GGA3: variants seen among roughly 807,000 people sequenced by gnomAD.
GGA3 encodes ADP-ribosylation factor-binding protein GGA3.
Under a neutral mutation model 77.5 loss-of-function variants are expected in GGA3, and 57 were observed. The observed-to-expected ratio is 0.74, with a 90% confidence interval of 0.59 to 0.92. The LOEUF is 0.92. Ranked by LOEUF, GGA3 falls within the 40% of genes least tolerant of loss-of-function variation. The probability of loss-of-function intolerance (pLI) is 0.00; values close to 1 mark genes in which losing one functional copy is unlikely to be tolerated. For synonymous variants in GGA3, 416 were observed against 383.7 expected, an observed-to-expected ratio of 1.08 and a Z score of -0.98; for missense variants, 970 against 914.9, an observed-to-expected ratio of 1.06 and a Z score of -0.78.
intron 1 of GGA3, among the ~76,000 whole-genome samples, chr17:75,250,277 G>C (rs1197470419): frequency 6.6e-6 from 1 of 152,166 alleles, no homozygotes; most frequent in Admixed American, 6.5e-5. Context: ...TCTGACTCAT[G>C]GTTTCTGTCT....
intron 1 of GGA3, chr17:75,249,006 T>C (rs2076866905): frequency 1.0e-6 from 1 of 984,654 alleles, no homozygotes. Flanking sequence ...GTTTCTGTTG[T>C]GGCTGCAAGG....
intron 11 of GGA3, 182 bp from the exon 12 acceptor site, chr17:75,240,594 G>A: frequency 1.5e-6 from 1 of 659,108 alleles, no homozygotes; most frequent in Non-Finnish European, 2.6e-6. Flanking sequence ...CAGAAGCGGG[G>A]GGCCTGTGGG....
intron 8 of GGA3, chr17:75,241,902 C>T: frequency 1.7e-6 from 1 of 605,150 alleles, no homozygotes; most frequent in East Asian, 2.8e-5. Flanking sequence ...AGGTAGCAGT[C>T]ACCAGGATGG....
chr17:75,241,170 A>G (rs1053430580), intron 10 of GGA3, 113 bp from the exon 11 acceptor site: 28 of 1,268,350 alleles, frequency 2.2e-5, no homozygotes, highest in Non-Finnish European at 3.1e-5. Context: ...GGCCTAATCC[A>G]ACGGCATCTC....
chr17:75,261,556 G>C lies in GGA3; in HGVS notation c.32C>G (p.Ser11Cys). The change falls in exon 1 of 17, where the codon TCC (serine) becomes TGC (cysteine). Residue 11 changes from serine to cysteine, a missense_variant. Coordinates refer to ENST00000537686, the MANE Select transcript of GGA3 (RefSeq NM_138619.4). MAEAEGESLE[S>C]WLNKATNPSN... Reference sequence around the variant, plus strand: ...CGGCCGCGGCTACTCACTGAGCCAGGACTCCAGGCTTTCCCCTTCCGCCTC... The same window carrying C: ...CGGCCGCGGCTACTCACTGAGCCAGCACTCCAGGCTTTCCCCTTCCGCCTC... 1.3e-6 allele frequency: 2 copies of C among 1,548,104 alleles called. No individual in the cohort carries two copies. Among genetic ancestry groups the C allele is most frequent in the Non-Finnish European group, 1.7e-6 (2 of 1,148,950 alleles).
chr17:75,240,260 G>T, intron 12 of GGA3, 82 bp downstream of exon 12: 1 of 1,173,714 alleles, frequency 8.5e-7, no homozygotes, highest in Non-Finnish European at 1.2e-6. Flanking sequence ...GGGAAGGACA[G>T]CTAACTGCAG....
chr17:75,237,577 C>G lies in GGA3; in HGVS notation c.*702G>C. On this transcript the variant is annotated 3_prime_UTR_variant, in exon 17 of 17. Coordinates refer to ENST00000537686, the MANE Select transcript of GGA3 (RefSeq NM_138619.4). ...GGCTCTCTTCATTTTCCTTCCTATCCCTAGTTGGGCCTGTCATGAGGCCAA... is the reference window on the plus strand; with the variant it reads ...GGCTCTCTTCATTTTCCTTCCTATCGCTAGTTGGGCCTGTCATGAGGCCAA... 1.3e-6 allele frequency: 2 copies of G among 1,535,398 alleles called. No individual in the cohort carries two copies.
At chr17:75,251,280 A>C (rs1301117989) in intron 1 of GGA3, among the ~76,000 whole-genome samples, 2 of 152,048 alleles carry the variant, frequency 1.3e-5, no homozygotes, top group East Asian at 3.9e-4. Context: ...GGACTACAGA[A>C]AAAGTTCCAG....
chr17:75,245,163 A>G (rs1285514034), intron 3 of GGA3, among the ~76,000 whole-genome samples: 2 of 152,228 alleles, frequency 1.3e-5, no homozygotes, highest in Admixed American at 6.5e-5. Context: ...TCTGTGAGAA[A>G]GATGACAGGA....
At chr17:75,238,824 G>GCA (rs1014820943) in intron 15 of GGA3, 62 bp from the exon 16 acceptor site, 30 of 1,561,540 alleles carry the variant, frequency 1.9e-5, no homozygotes, top group East Asian at 1.8e-4. Flanking sequence ...AACCTGCAGT[G>GCA]CACACACACA....
rs774497426 is a variant in GGA3, at chr17:75,238,727, T to C, written c.1986A>G (p.Thr662=). 6.2e-7 allele frequency: 1 copy of C among 1,613,904 alleles called. No individual in the cohort carries two copies. Among genetic ancestry groups the C allele is most frequent in the Non-Finnish European group, 8.5e-7 (1 of 1,179,846 alleles). ...MKVKLQPPSG[T]ELSPFSPIQP... is the part of the protein sequence containing the mutation. ...GGATGGGGCTAAATGGAGAGAGTTC[T>C]GTCCCAGAAGGTGGCTGCAACTTCA... Residue 662 remains threonine (T), a synonymous_variant, in exon 16 of 17, where the codon ACA becomes ACG. Coordinates refer to ENST00000537686, the MANE Select transcript of GGA3 (RefSeq NM_138619.4).
At chr17:75,239,129 C>T (rs748358313) in intron 14 of GGA3, 46 bp from the exon 15 acceptor site, 8 of 1,553,860 alleles carry the variant, frequency 5.1e-6, no homozygotes, top group Non-Finnish European at 7.0e-6. Context: ...ACCAGAGACA[C>T]CCAACAGAGC....
At chr17:75,261,250 C>T (rs1323695750) in intron 1 of GGA3, among the ~76,000 whole-genome samples, 1 of 152,270 alleles carries the variant, frequency 6.6e-6, no homozygotes, top group Non-Finnish European at 1.5e-5. Flanking sequence ...CGAAGCATGT[C>T]AGCCCGAAGA....
chr17:75,238,179 A>G lies in GGA3; in HGVS notation c.*100T>C. On this transcript the variant is annotated 3_prime_UTR_variant, in exon 17 of 17. Transcript: ENST00000537686. ...GCCCCTGTTCCACATCAAAGCTACA[A>G]GCACTGTTGTCAGGGCATGGAGAGT... The G allele has an allele frequency of 1.3e-6, 2 of 1,521,056 alleles. No homozygotes were observed. Among genetic ancestry groups the G allele is most frequent in the South Asian group, 2.6e-5 (2 of 76,416 alleles). 94.2% of individuals were successfully genotyped at this position (1,521,056 alleles called of 1,614,324 possible).
At chr17:75,262,098 C>A, upstream of GGA3, 4 of 1,273,252 alleles carry the variant, frequency 3.1e-6, no homozygotes, top group Non-Finnish European at 3.3e-6. Flanking sequence ...TATCTGGATT[C>A]AAGCTTCTAA....
chr17:75,261,916 G>A, upstream of GGA3: 1 of 1,609,162 alleles, frequency 6.2e-7, no homozygotes, highest in Non-Finnish European at 8.5e-7. Flanking sequence ...TGCCCCCGCA[G>A]TGAAGGTTGC....
rs1288631811 is a variant in GGA3, at chr17:75,237,748, C to T, written c.*531G>A. 2 of 1,432,074 alleles carry T rather than the reference C, an allele frequency of 1.4e-6. No individual in the cohort carries two copies. Among genetic ancestry groups the T allele is most frequent in the African/African-American group, 2.9e-5 (2 of 69,632 alleles). The allele number at this position is 1,432,074 out of a possible 1,614,324, so 88.7% of individuals were successfully genotyped here. On this transcript the variant is annotated 3_prime_UTR_variant, in exon 17 of 17. Transcript: ENST00000537686. ...CTTTGCAGTATGCCAGTTCCTTATT[C>T]TGGGCCAGGCACCTTCCTGGGCCAC...
In GGA3 at chr17:75,238,053, T is replaced by C; in HGVS notation, c.*226A>G. On this transcript the variant is annotated 3_prime_UTR_variant, in exon 17 of 17. Coordinates refer to ENST00000537686, the MANE Select transcript of GGA3 (RefSeq NM_138619.4). Reference sequence around the variant, plus strand: ...GCCACTCCGCACCCCTGACAGCATATGGCCACTTCAAGTCACACAGGTAGA... The same window carrying C: ...GCCACTCCGCACCCCTGACAGCATACGGCCACTTCAAGTCACACAGGTAGA... 10 of 1,354,152 alleles carry C rather than the reference T, an allele frequency of 7.4e-6. 1 individual carries two copies. In the South Asian group the frequency reaches 1.7e-4, roughly 23 times the overall value. 83.9% of individuals were successfully genotyped at this position (1,354,152 alleles called of 1,614,324 possible).
rs1218172166 is a variant in GGA3, at chr17:75,238,047, A to G, written c.*232T>C. The G allele has an allele frequency of 2.2e-6, 3 of 1,336,938 alleles. No homozygotes were observed. The highest frequency in any genetic ancestry group is 6.9e-5 in the Admixed American group (2 of 28,782). The allele number at this position is 1,336,938 out of a possible 1,614,324, so 82.8% of individuals were successfully genotyped here. A position where few individuals can be genotyped will look rare whatever the true frequency, so the allele number is the denominator to read the frequency against. ...TCAGGGGCCACTCCGCACCCCTGAC[A>G]GCATATGGCCACTTCAAGTCACACA... On this transcript the variant is annotated 3_prime_UTR_variant, in exon 17 of 17. Transcript: ENST00000537686.
Sources: gnomAD v4.1 joint callset for allele counts (sites outside exome capture counted in the v4.1 genomes callset) on GRCh38, gnomAD v4.1.1 for gene constraint, MANE v1.5 for transcripts, NCBI Gene and HGNC (gene_info 2026-07-23, HGNC 2026-07-21) for gene names.